Variants in GKAP1 observed in about 807,000 individuals in gnomAD.
The protein encoded by GKAP1 is G kinase anchoring protein 1.
Under a neutral mutation model 56.7 loss-of-function variants are expected in GKAP1, and 31 were observed. That is an observed-to-expected ratio of 0.55 (90% CI 0.41 to 0.74). The LOEUF (loss-of-function observed/expected upper bound fraction) is 0.74. Ranked by LOEUF, GKAP1 falls within the 30% of genes least tolerant of loss-of-function variation. GKAP1 has a pLI of 0.00. For missense variants in GKAP1, 364 were observed against 402.3 expected (o/e 0.90, Z 0.82); for synonymous variants, 151 against 138.6 (o/e 1.09, Z -0.63).
At chr9:83,755,159 T>C (rs541291054) in intron 8 of GKAP1, among the ~76,000 whole-genome samples, 1 of 152,288 alleles carries the variant, frequency 6.6e-6, no homozygotes, top group African/African-American at 2.4e-5. Flanking sequence ...TTATCTCCAA[T>C]AGATAAATGA....
At chr9:83,766,180 T>C (rs1943660819) in intron 8 of GKAP1, among the ~76,000 whole-genome samples, 1 of 152,168 alleles carries the variant, frequency 6.6e-6, no homozygotes, top group African/African-American at 2.4e-5. Context: ...GCTTCCCCCT[T>C]CACCTGGCAC....
At chr9:83,779,565 A>C (rs1943932075) in intron 7 of GKAP1, among the ~76,000 whole-genome samples, 2 of 110,758 alleles carry the variant, frequency 1.8e-5, no homozygotes, top group South Asian at 5.6e-4. Flanking sequence ...ATGTGTATAT[A>C]TATACACACA....
At chr9:83,778,741 T>G (rs1943903855) in intron 7 of GKAP1, among the ~76,000 whole-genome samples, 1 of 152,082 alleles carries the variant, frequency 6.6e-6, no homozygotes, top group Non-Finnish European at 1.5e-5. Context: ...AATTACATAT[T>G]CTTATAACCA....
chr9:83,744,412 C>T (rs1943256896), intron 10 of GKAP1, among the ~76,000 whole-genome samples: 1 of 152,172 alleles, frequency 6.6e-6, no homozygotes, highest in South Asian at 2.1e-4. Flanking sequence ...AGGAAACACA[C>T]CCATCTGGTC....
intron 7 of GKAP1, among the ~76,000 whole-genome samples, chr9:83,773,917 TATC>T (rs1943806454): frequency 6.6e-6 from 1 of 152,178 alleles, no homozygotes; most frequent in East Asian, 1.9e-4. Context: ...TTAACCATAT[TATC>T]ATCATCATAC....
chr9:83,758,989 A>C (rs2111683), intron 8 of GKAP1, among the ~76,000 whole-genome samples: 2 of 151,954 alleles, frequency 1.3e-5, no homozygotes, highest in African/African-American at 2.4e-5. Context: ...ATGAAAGCTA[A>C]GAAAAACTTC....
intron 4 of GKAP1, among the ~76,000 whole-genome samples, chr9:83,796,433 T>C (rs1944248920): frequency 6.6e-6 from 1 of 152,230 alleles, no homozygotes; most frequent in Admixed American, 6.5e-5. Flanking sequence ...TAATCTGCTA[T>C]GATTTTACTT....
chr9:83,796,678 G>A (rs140465388), intron 4 of GKAP1, among the ~76,000 whole-genome samples: 2 of 151,920 alleles, frequency 1.3e-5, no homozygotes, highest in African/African-American at 2.4e-5. Flanking sequence ...CATTGGTCAG[G>A]CTGGTCTCGA....
At chr9:83,763,171 T>C (rs1943603493) in intron 8 of GKAP1, among the ~76,000 whole-genome samples, 1 of 152,164 alleles carries the variant, frequency 6.6e-6, no homozygotes. Context: ...CTAAGTGAAA[T>C]AAGCCAGGCA....
Position 83,775,989 on chromosome 9 carries a change from C to T in GKAP1, c.585+4393G>A, listed in dbSNP as rs933374957. On this transcript the variant is annotated intron_variant, in intron 7 of 12. Coordinates refer to ENST00000376371, the MANE Select transcript of GKAP1 (RefSeq NM_025211.4). ...AAGAAATTCTGTAAAGCTATAACCCCGAGATTCCCAAGTAATCATGTGATC... is the reference window on the plus strand; with the variant it reads ...AAGAAATTCTGTAAAGCTATAACCCTGAGATTCCCAAGTAATCATGTGATC... Among the ~76,000 whole-genome samples, 6 of 151,818 alleles carry T rather than the reference C, an allele frequency of 4.0e-5. No individual in the cohort carries two copies. The South Asian group carries it at 8.3e-4, about 21-fold the overall frequency.
At chr9:83,758,580 A>G (rs1294188516) in intron 8 of GKAP1, among the ~76,000 whole-genome samples, 1 of 151,996 alleles carries the variant, frequency 6.6e-6, no homozygotes, top group Non-Finnish European at 1.5e-5. Context: ...TAAATAAATA[A>G]AAAAATAATA....
intron 2 of GKAP1, among the ~76,000 whole-genome samples, chr9:83,808,290 A>G (rs1475363962): frequency 6.6e-6 from 1 of 152,132 alleles, no homozygotes; most frequent in Non-Finnish European, 1.5e-5. Context: ...CAACCTCAAC[A>G]TATCTTATTA....
chr9:83,766,646 C>T (rs1275110621), intron 8 of GKAP1, among the ~76,000 whole-genome samples: 2 of 151,978 alleles, frequency 1.3e-5, no homozygotes, highest in Admixed American at 6.6e-5. Flanking sequence ...GTAAACAAAG[C>T]GATAACATCC....
rs149161233 is a variant in GKAP1 at position 83,797,132 on chromosome 9, G to C, written c.360+2053C>G. On this transcript the variant is annotated intron_variant, in intron 4 of 12. Transcript: ENST00000376371. ...CCATCTGGTTAGGTGTTTAATTCTA[G>C]CTCTCAGATTGTATGCTAAGGCTTA... 7.2e-5 allele frequency among the ~76,000 whole-genome samples: 11 copies of C among 152,284 alleles called. No individual in the cohort carries two copies. The East Asian group carries it at 2.1e-3, about 29-fold the overall frequency.
intron 3 of GKAP1, among the ~76,000 whole-genome samples, chr9:83,804,986 GA>G (rs1944413834): frequency 6.6e-6 from 1 of 152,218 alleles, no homozygotes; most frequent in African/African-American, 2.4e-5. Context: ...AGCTCATTGA[GA>G]ACGGGCCGGG....
Position 83,805,348 on chromosome 9 carries a change from C to A in GKAP1, c.216+954G>T, listed in dbSNP as rs865778006. Among the ~76,000 whole-genome samples, 10 of 152,264 alleles carry A rather than the reference C, an allele frequency of 6.6e-5. 1 individual carries two copies. The highest frequency in any genetic ancestry group is 6.8e-3 in the Middle Eastern group (2 of 294). On this transcript the variant is annotated intron_variant, in intron 3 of 12. Coordinates refer to ENST00000376371, the MANE Select transcript of GKAP1 (RefSeq NM_025211.4). ...ACACTGCGGAAGGCCGCAGGGTCCT[C>A]TGCCTAGGAAAACCAGAAACCTTTG...
intron 4 of GKAP1, among the ~76,000 whole-genome samples, chr9:83,790,642 A>AAAAC: frequency 7.6e-6 from 1 of 132,108 alleles, no homozygotes; most frequent in East Asian, 2.5e-4. Context: ...AAAACAAAAC[A>AAAAC]AAAAAACAAA....
chr9:83,816,881 G>C (rs1448503448), intron 2 of GKAP1, 115 bp downstream of exon 2: 5 of 152,072 alleles, frequency 3.3e-5, no homozygotes, highest in Non-Finnish European at 7.4e-5. Context: ...TAATGCTAGA[G>C]ATCTGACAAA....
At chr9:83,796,158 C>T (rs1349674847) in intron 4 of GKAP1, among the ~76,000 whole-genome samples, 1 of 152,138 alleles carries the variant, frequency 6.6e-6, no homozygotes, top group Non-Finnish European at 1.5e-5. Flanking sequence ...TCTCAAACTC[C>T]TGGCCTCAAG....
Sources: gnomAD v4.1 joint callset for allele counts (sites outside exome capture counted in the v4.1 genomes callset) on GRCh38, gnomAD v4.1.1 for gene constraint, MANE v1.5 for transcripts, NCBI Gene and HGNC (gene_info 2026-07-23, HGNC 2026-07-21) for gene names.